INTS9: variants seen among roughly 807,000 people sequenced by gnomAD.
The protein encoded by INTS9 is protein related to CPSF subunits of 74 kDa.
INTS9 carries 55 observed loss-of-function variants against 79.7 expected under a neutral mutation model. That is an observed-to-expected ratio of 0.69 (90% CI 0.56 to 0.86). INTS9 has a LOEUF of 0.86. INTS9 is among the 40% of genes least tolerant of loss of function. The pLI is 0.00. For missense variants in INTS9, 721 were observed against 831.5 expected, an observed-to-expected ratio of 0.87 and a Z score of 1.64; for synonymous variants, 319 against 325.2, an observed-to-expected ratio of 0.98 and a Z score of 0.20.
At chr8:28,847,494 C>A (rs943302726) in intron 3 of INTS9, among the ~76,000 whole-genome samples, 5 of 152,126 alleles carry the variant, frequency 3.3e-5, no homozygotes, top group Non-Finnish European at 5.9e-5. Context: ...ACCTCCACCA[C>A]AACCACCACT....
intron 1 of INTS9, among the ~76,000 whole-genome samples, chr8:28,865,334 A>G (rs1286586025): frequency 6.6e-6 from 1 of 152,044 alleles, no homozygotes; most frequent in Non-Finnish European, 1.5e-5. Context: ...AAATAAACCT[A>G]GAAGCCTATT....
chr8:28,867,898 G>T (rs568103059), intron 1 of INTS9, among the ~76,000 whole-genome samples: 1 of 152,190 alleles, frequency 6.6e-6, no homozygotes, highest in East Asian at 1.9e-4. Context: ...ATGCCATGAG[G>T]TAGGAATCAT....
At chr8:28,791,055 C>G (rs886130441) in intron 10 of INTS9, among the ~76,000 whole-genome samples, 1 of 152,166 alleles carries the variant, frequency 6.6e-6, no homozygotes, top group African/African-American at 2.4e-5. Flanking sequence ...TTTTCTGTAT[C>G]AAGTAACCAG....
intron 14 of INTS9, among the ~76,000 whole-genome samples, chr8:28,773,091 C>T (rs943457942): frequency 6.6e-6 from 1 of 152,112 alleles, no homozygotes. Flanking sequence ...TGGAAATAAA[C>T]ATATATGGAC....
At chr8:28,867,388 C>T (rs1159405665) in intron 1 of INTS9, among the ~76,000 whole-genome samples, 1 of 151,934 alleles carries the variant, frequency 6.6e-6, no homozygotes, top group Non-Finnish European at 1.5e-5. Flanking sequence ...CACTGGACTC[C>T]AGCCTAGGTG....
At chr8:28,769,826 A>G (rs1311354768) in intron 16 of INTS9, 63 bp downstream of exon 16, 4 of 1,594,070 alleles carry the variant, frequency 2.5e-6, no homozygotes, top group East Asian at 2.2e-5. Context: ...CCAGGGGGCC[A>G]TAGTGAGCCA....
chr8:28,782,555 A>G (rs1444280343), intron 11 of INTS9, among the ~76,000 whole-genome samples: 8 of 152,252 alleles, frequency 5.3e-5, no homozygotes, highest in Admixed American at 5.2e-4. Flanking sequence ...ATACACGCAC[A>G]CACACATGCA....
chr8:28,817,815 C>T (rs377516500), intron 6 of INTS9, among the ~76,000 whole-genome samples: 9 of 148,458 alleles, frequency 6.1e-5, no homozygotes, highest in Middle Eastern at 3.2e-3. Flanking sequence ...TTTGTTTGTA[C>T]CCTCTTTTAT....
chr8:28,783,272 G>T (rs188091695), intron 11 of INTS9, among the ~76,000 whole-genome samples: 8 of 152,110 alleles, frequency 5.3e-5, no homozygotes, highest in Non-Finnish European at 1.2e-4. Context: ...CCAGTGTCAG[G>T]CCCATTCAAG....
intron 10 of INTS9, among the ~76,000 whole-genome samples, chr8:28,791,081 G>A (rs6997949): frequency 0.19 from 29,052 of 151,984 alleles, 3,115 homozygotes; most frequent in East Asian, 0.47. Flanking sequence ...CCTGCCCCTT[G>A]TATTTCCTAA....
At chr8:28,780,329 A>C in intron 12 of INTS9, 2 of 977,856 alleles carry the variant, frequency 2.0e-6, no homozygotes, top group African/African-American at 3.5e-5. Flanking sequence ...CTAGCATTCA[A>C]AGGGCTGGGC....
At chr8:28,791,454 C>A (rs537983462) in intron 10 of INTS9, among the ~76,000 whole-genome samples, 5 of 152,276 alleles carry the variant, frequency 3.3e-5, no homozygotes, top group Middle Eastern at 3.4e-3. Flanking sequence ...ATCCTCTCCA[C>A]CCACACATCA....
At chr8:28,881,929 C>T (rs867764608) in intron 1 of INTS9, among the ~76,000 whole-genome samples, 3,045 of 120,190 alleles carry the variant, frequency 0.025, 64 homozygotes, top group African/African-American at 0.085. Flanking sequence ...CCCCTCTGCC[C>T]GGCCACGACC....
rs867795245 is a variant in INTS9 at position 28,807,780 on chromosome 8, A to G, written c.744+4547T>C. Among the ~76,000 whole-genome samples the G allele has an allele frequency of 5.9e-5, 9 of 152,350 alleles. No individual in the cohort carries two copies. In the South Asian group the frequency reaches 1.0e-3, roughly 18 times the overall value. The stretch of plus-strand genomic sequence containing the variant: ...AAGCGTGATGTTTAACGAAGAAACT[A>G]CAAAAGCTTTCCTTTTACAGCCTTA... On this transcript the variant is annotated intron_variant, in intron 8 of 16. Transcript: ENST00000521022.
chr8:28,793,729 G>A, intron 10 of INTS9, 78 bp downstream of exon 10: 1 of 1,242,138 alleles, frequency 8.1e-7, no homozygotes, highest in Non-Finnish European at 1.1e-6. Context: ...AGAAAAAACA[G>A]GATTATTTTT....
chr8:28,842,863 T>C (rs1563290909), intron 4 of INTS9, among the ~76,000 whole-genome samples: 2 of 152,220 alleles, frequency 1.3e-5, no homozygotes, highest in African/African-American at 2.4e-5. Flanking sequence ...TGATGTTCTA[T>C]TGGGGTCCCC....
chr8:28,852,413 C>T (rs905066676), intron 2 of INTS9, among the ~76,000 whole-genome samples: 5 of 151,540 alleles, frequency 3.3e-5, no homozygotes, highest in Non-Finnish European at 5.9e-5. Flanking sequence ...TTTTAATTCC[C>T]GTCTCATTTC....
intron 1 of INTS9, among the ~76,000 whole-genome samples, chr8:28,886,423 T>G (rs1810179515): frequency 6.6e-6 from 1 of 152,072 alleles, no homozygotes; most frequent in Admixed American, 6.5e-5. Flanking sequence ...AGTTTTTGTA[T>G]CTTTTGTAAA....
At chr8:28,830,152 T>A (rs1030640788) in intron 6 of INTS9, among the ~76,000 whole-genome samples, 4 of 152,048 alleles carry the variant, frequency 2.6e-5, no homozygotes, top group African/African-American at 9.7e-5. Flanking sequence ...CGTTTGTCAA[T>A]GTAGCATGCT....
Sources: allele counts gnomAD v4.1 joint callset (sites outside exome capture counted in the v4.1 genomes callset), GRCh38; gene constraint gnomAD v4.1.1; transcripts MANE v1.5; gene names NCBI Gene and HGNC (gene_info 2026-07-23, HGNC 2026-07-21).